The following SEC24A variants were observed in gnomAD, a reference collection of about 807,000 sequenced individuals.
SEC24A encodes the protein SEC24 homolog A, COPII component, also known as protein transport protein Sec24A.
Under a neutral mutation model 129.4 loss-of-function variants are expected in SEC24A, and 93 were observed. The ratio of observed to expected loss-of-function variants is 0.72; its 90% CI spans 0.61 to 0.85. The LOEUF is 0.85. Among genes scored for constraint, SEC24A ranks in the 40% least tolerant of loss-of-function variants. SEC24A has a pLI of 0.00. For missense variants in SEC24A, 1,264 were observed against 1,307.4 expected (o/e 0.97, Z 0.51); for synonymous variants, 460 against 467.3 (o/e 0.98, Z 0.20).
At chr5:134,693,522 C>G in intron 12 of SEC24A, 2 of 1,423,544 alleles carry the variant, frequency 1.4e-6, no homozygotes, top group Non-Finnish European at 1.8e-6. Context: ...AACTGTAAGG[C>G]CCAACTTTGA....
intron 12 of SEC24A, chr5:134,692,897 G>A (rs1379822360): frequency 1.3e-6 from 1 of 775,450 alleles, no homozygotes; most frequent in East Asian, 2.7e-5. Flanking sequence ...CCATAAAGGA[G>A]GAACACTTGA....
intron 4 of SEC24A, among the ~76,000 whole-genome samples, chr5:134,672,927 G>A (rs1483819188): frequency 6.6e-6 from 1 of 151,740 alleles, no homozygotes; most frequent in Non-Finnish European, 1.5e-5. Context: ...TAGAGATGGG[G>A]GGGTGGGTCT....
In SEC24A at chr5:134,686,842, A is replaced by G. The variant is rs1400008951; in HGVS notation, c.1544A>G (p.Asn515Ser). ...VYLFVFDVSH[N>S]AVETGYLNSV... The stretch of plus-strand genomic sequence containing the variant: ...CTCTTTGTATTTGATGTGTCTCACA[A>G]TGCAGTCGAAACTGGATACTTGAAT... Residue 515 changes from asparagine to serine, a missense_variant, in exon 10 of 23, where the codon AAT becomes AGT. Physicochemically the swap from Asn to Ser is conservative, Grantham distance 46. Transcript: ENST00000398844. 12 of 1,611,266 alleles carry G rather than the reference A, an allele frequency of 7.4e-6. No homozygotes were observed. Among genetic ancestry groups the G allele is most frequent in the South Asian group, 6.6e-5 (6 of 90,380 alleles).
Position 134,693,783 on chromosome 5 carries a change from C to T in SEC24A, c.1836C>T (p.Thr612=). The T allele has an allele frequency of 2.5e-6, 4 of 1,614,108 alleles. No homozygotes were observed. Among genetic ancestry groups the T allele is most frequent in the Non-Finnish European group, 3.4e-6 (4 of 1,180,014 alleles). The change falls in exon 13 of 23, where the codon ACC becomes ACT. Residue 612 remains threonine, a synonymous_variant. Transcript: ENST00000398844. ...AAATGTTTACCAAGACTCTGGAGAC[C>T]CAGAGTGCCTTGGGTCCTGCACTGC... ...LPQMFTKTLE[T]QSALGPALQA...
intron 4 of SEC24A, 113 bp downstream of exon 4, chr5:134,671,999 G>A: frequency 1.5e-6 from 1 of 672,634 alleles, no homozygotes; most frequent in South Asian, 1.8e-5. Flanking sequence ...TAATCATGTA[G>A]CCATACATAC....
chr5:134,708,252 T>C (rs1304489647), intron 17 of SEC24A, among the ~76,000 whole-genome samples: 1 of 152,178 alleles, frequency 6.6e-6, no homozygotes, highest in East Asian at 1.9e-4. Context: ...GGAGGACTGC[T>C]TGAGGCCAGG....
intron 1 of SEC24A, among the ~76,000 whole-genome samples, chr5:134,656,679 C>T (rs1750257271): frequency 6.6e-6 from 1 of 151,694 alleles, no homozygotes; most frequent in Non-Finnish European, 1.5e-5. Flanking sequence ...GGGGTTTCAC[C>T]GTGTTGGTCA....
chr5:134,649,383 A>G (rs1749971356), intron 1 of SEC24A: 1 of 442,566 alleles, frequency 2.3e-6, no homozygotes, highest in East Asian at 3.7e-5. Context: ...TTAGTCGGTC[A>G]CCAAAACAGT....
intron 1 of SEC24A, among the ~76,000 whole-genome samples, chr5:134,652,178 TC>T (rs1224277619): frequency 1.3e-5 from 2 of 152,104 alleles, no homozygotes; most frequent in Non-Finnish European, 2.9e-5. Context: ...CGCGTCGGCC[TC>T]CCAAAGTGCT....
At chr5:134,692,910 G>A (rs1308117022) in intron 12 of SEC24A, 2 of 827,268 alleles carry the variant, frequency 2.4e-6, no homozygotes, top group Admixed American at 2.1e-5. Flanking sequence ...ACACTTGAAG[G>A]AAATCTGTCT....
chr5:134,665,099 A>G (rs1750611978), intron 2 of SEC24A, among the ~76,000 whole-genome samples: 1 of 151,716 alleles, frequency 6.6e-6, no homozygotes, highest in Non-Finnish European at 1.5e-5. Context: ...CACCCAGCCT[A>G]ATAGGCAATT....
At chr5:134,696,599 T>C (rs1273852983) in intron 13 of SEC24A, among the ~76,000 whole-genome samples, 2 of 151,926 alleles carry the variant, frequency 1.3e-5, no homozygotes, top group East Asian at 1.9e-4. Context: ...CCTGGGTTCA[T>C]GCCATTCTCC....
intron 16 of SEC24A, among the ~76,000 whole-genome samples, chr5:134,704,182 G>T (rs1752086328): frequency 6.6e-6 from 1 of 152,016 alleles, no homozygotes; most frequent in Non-Finnish European, 1.5e-5. Flanking sequence ...TGATTCTCCT[G>T]CCTCAGCCAC....
chr5:134,688,313 G>A lies in SEC24A; in HGVS notation c.1723+14G>A. 3 of 1,388,718 alleles carry A rather than the reference G, an allele frequency of 2.2e-6. No individual in the cohort carries two copies. Among genetic ancestry groups the A allele is most frequent in the Non-Finnish European group, 3.1e-6 (3 of 981,106 alleles). The allele number at this position is 1,388,718 out of a possible 1,614,324, so 86.0% of individuals were successfully genotyped here. A position where few individuals can be genotyped will look rare whatever the true frequency, so the allele number is the denominator to read the frequency against. On this transcript the variant is annotated intron_variant, in intron 11 of 22. Transcript: ENST00000398844. ...CAGATATTGAAGGTATAGATTTATT[G>A]AACTACTTTCATAATTTTTCAGTTT...
Position 134,649,113 on chromosome 5 carries a change from C to G in SEC24A, c.37C>G (p.Pro13Ala), listed in dbSNP as rs1580667927. The change falls in exon 1 of 23, where the codon CCA (proline) becomes GCA (alanine). Residue 13 changes from proline (P) to alanine (A), a missense_variant. Pro to Ala is a conservative substitution (Grantham distance 27). Transcript: ENST00000398844. Reference protein sequence around the residue: ...QPGIPASGGAPASLQAQNGAA... With the variant: ...QPGIPASGGAAASLQAQNGAA... Reference sequence around the variant, plus strand: ...GGGAATACCGGCCTCCGGCGGCGCCCCAGCCAGCCTCCAGGCCCAGAACGG... The same window carrying G: ...GGGAATACCGGCCTCCGGCGGCGCCGCAGCCAGCCTCCAGGCCCAGAACGG... The G allele has an allele frequency of 6.2e-7, 1 of 1,610,328 alleles. No individual in the cohort carries two copies. Among genetic ancestry groups the G allele is most frequent in the East Asian group, 2.2e-5 (1 of 44,452 alleles).
Position 134,661,565 on chromosome 5 carries a change from C to CA in SEC24A, c.548dup (p.Asn183LysfsTer2). ...TGTTTCTTCTGGATATCCTTCACTT[C>CA]AAAATAGCTTCATAAAGTCAGGTAG... On this transcript the variant is annotated frameshift_variant, in exon 2 of 23. Transcript: ENST00000398844. LOFTEE classifies it high-confidence loss of function. 1 of 1,612,074 alleles carries CA rather than the reference C, an allele frequency of 6.2e-7. No individual in the cohort carries two copies. Among genetic ancestry groups the CA allele is most frequent in the Non-Finnish European group, 8.5e-7 (1 of 1,178,226 alleles).
Position 134,671,846 on chromosome 5 carries a change from C to A in SEC24A, c.777C>A (p.Val259=). 6 of 1,608,910 alleles carry A rather than the reference C, an allele frequency of 3.7e-6. No individual in the cohort carries two copies. Among genetic ancestry groups the A allele is most frequent in the Non-Finnish European group, 5.1e-6 (6 of 1,178,044 alleles). The change falls in exon 4 of 23, where the codon GTC becomes GTA. Residue 259 remains valine (V), a synonymous_variant. Coordinates refer to ENST00000398844, the MANE Select transcript of SEC24A (RefSeq NM_021982.3). ...ATACCAATAACGGATCTATGGTGGT[C>A]CACAGTAGTTACGACGAGATTGAAG... is the stretch of plus-strand genomic sequence containing the variant. ...TSNTNNGSMV[V]HSSYDEIEGG... is the part of the protein sequence containing the mutation.
rs1752783799 is a variant in SEC24A at position 134,727,555 on chromosome 5, A to G, written c.*2461A>G. Reference sequence around the variant, plus strand: ...AAAGATTTATTTCTTCTAATCAAAGATGCATAACAGCTATTATCTAGGGGA... The same window carrying G: ...AAAGATTTATTTCTTCTAATCAAAGGTGCATAACAGCTATTATCTAGGGGA... On this transcript the variant is annotated 3_prime_UTR_variant, in exon 23 of 23. Coordinates refer to ENST00000398844, the MANE Select transcript of SEC24A (RefSeq NM_021982.3). 6.6e-6 allele frequency: 1 copy of G among 152,584 alleles called. No individual in the cohort carries two copies. Among genetic ancestry groups the G allele is most frequent in the African/African-American group, 2.4e-5 (1 of 41,452 alleles). The allele number at this position is 152,584 out of a possible 1,614,324, so 9.5% of individuals were successfully genotyped here. A position where few individuals can be genotyped will look rare whatever the true frequency, so the allele number is the denominator to read the frequency against.
intron 11 of SEC24A, among the ~76,000 whole-genome samples, chr5:134,691,100 A>C (rs1363427208): frequency 6.6e-6 from 1 of 150,606 alleles, no homozygotes; most frequent in African/African-American, 2.4e-5. Flanking sequence ...TGAACTGCCC[A>C]CCTCGGCCTC....
Sources: gnomAD v4.1 joint callset for allele counts (sites outside exome capture counted in the v4.1 genomes callset) on GRCh38, gnomAD v4.1.1 for gene constraint, MANE v1.5 for transcripts, NCBI Gene and HGNC (gene_info 2026-07-23, HGNC 2026-07-21) for gene names.